Variants in SNTB1 observed in about 807,000 individuals in gnomAD.
SNTB1 encodes syntrophin beta 1, also known as beta-1-syntrophin.
A neutral mutation model predicts 48.9 loss-of-function variants in SNTB1; 36 were observed. The ratio of observed to expected loss-of-function variants is 0.74; its 90% CI spans 0.56 to 0.97. The LOEUF is 0.97. Ranked by LOEUF, SNTB1 falls within the 50% of genes least tolerant of loss-of-function variation. The probability of loss-of-function intolerance (pLI) is 0.00; values close to 1 mark genes in which losing one functional copy is unlikely to be tolerated. For missense variants in SNTB1, 786 were observed against 703.4 expected (o/e 1.12, Z -1.33); for synonymous variants, 299 against 294.6 (o/e 1.01, Z -0.15).
intron 3 of SNTB1, among the ~76,000 whole-genome samples, chr8:120,595,774 G>A (rs1816313079): frequency 6.6e-6 from 1 of 151,984 alleles, no homozygotes; most frequent in Non-Finnish European, 1.5e-5. Flanking sequence ...GTAAAGATGG[G>A]GTTTCTCCAT....
Position 120,811,715 on chromosome 8 carries a change from C to T in SNTB1, c.129G>A (p.Glu43=), listed in dbSNP as rs1486419686. Residue 43 remains glutamate, a synonymous_variant, in exon 1 of 7, where the codon GAG becomes GAA. Coordinates refer to ENST00000517992, the MANE Select transcript of SNTB1 (RefSeq NM_021021.4). ...CCTCGCTGCTCAGAACCAGGGCGTC[C>T]TCGCTCAAGTTCACCAGAACTTTGT... The part of the protein sequence containing the change: ...RWHKVLVNLS[E]DALVLSSEEG... 1.3e-6 allele frequency: 2 copies of T among 1,576,936 alleles called. No individual in the cohort carries two copies. Among genetic ancestry groups the T allele is most frequent in the Admixed American group, 1.9e-5 (1 of 53,960 alleles).
At chr8:120,726,427 T>G (rs776593318) in intron 1 of SNTB1, among the ~76,000 whole-genome samples, 10 of 152,186 alleles carry the variant, frequency 6.6e-5, no homozygotes, top group Non-Finnish European at 1.5e-4. Context: ...CTCAACCCTC[T>G]GTGGATTAAA....
chr8:120,582,950 G>A (rs1229960286), intron 3 of SNTB1, among the ~76,000 whole-genome samples: 1 of 151,856 alleles, frequency 6.6e-6, no homozygotes, highest in Non-Finnish European at 1.5e-5. Context: ...AAATGAAACA[G>A]GGGACATCAC....
rs976541505 is a variant in SNTB1 at position 120,764,999 on chromosome 8, G to A, written c.571+46274C>T. Among the ~76,000 whole-genome samples the A allele has an allele frequency of 1.6e-4, 25 of 152,258 alleles. 1 individual carries two copies. Among genetic ancestry groups the A allele is most frequent in the Admixed American group, 1.4e-3 (22 of 15,302 alleles). On this transcript the variant is annotated intron_variant, in intron 1 of 6. Transcript: ENST00000517992. The stretch of plus-strand genomic sequence containing the variant: ...CTAGCACTCCAGGAGGCCGAGGTGG[G>A]CGGATCACCTGAGGTCAGGAGTTTG...
chr8:120,811,555 C>A lies in SNTB1; in HGVS notation c.289G>T (p.Asp97Tyr). 1 of 1,590,332 alleles carries A rather than the reference C, an allele frequency of 6.3e-7. No individual in the cohort carries two copies. Among genetic ancestry groups the A allele is most frequent in the Non-Finnish European group, 8.6e-7 (1 of 1,168,538 alleles). ...SPAGVRTAFT[D>Y]LPEQVPESIS... ...GACTCGGGCACCTGCTCGGGCAGGT[C>A]GGTGAAAGCGGTGCGGACCCCGGCG... is the stretch of plus-strand genomic sequence containing the variant. Residue 97 changes from aspartate (D) to tyrosine (Y), a missense_variant, in exon 1 of 7, where the codon GAC (aspartate) becomes TAC (tyrosine). Physicochemically the swap from Asp to Tyr is radical, Grantham distance 160 (BLOSUM62 -3). Coordinates refer to ENST00000517992, the MANE Select transcript of SNTB1 (RefSeq NM_021021.4).
rs1228106918 is a variant in SNTB1, at chr8:120,601,136, A to G, written c.997-25911T>C. On this transcript the variant is annotated intron_variant, in intron 3 of 6. Coordinates refer to ENST00000517992, the MANE Select transcript of SNTB1 (RefSeq NM_021021.4). ...GCGCTGCTGGGAATCTGGATGGGTC[A>G]GACACAATGAACACTTTCACTCTGC... is the stretch of plus-strand genomic sequence containing the variant. Among the ~76,000 whole-genome samples, 7 of 152,164 alleles carry G rather than the reference A, an allele frequency of 4.6e-5. No individual in the cohort carries two copies. In the East Asian group the frequency reaches 1.2e-3, roughly 25 times the overall value.
intron 2 of SNTB1, among the ~76,000 whole-genome samples, chr8:120,678,465 G>A (rs376829296): frequency 7.2e-5 from 11 of 152,230 alleles, no homozygotes; most frequent in African/African-American, 2.6e-4. Flanking sequence ...CTGATACATG[G>A]CTCTTTTGCA....
At chr8:120,616,484 T>TG (rs1816717722) in intron 3 of SNTB1, among the ~76,000 whole-genome samples, 1 of 151,072 alleles carries the variant, frequency 6.6e-6, no homozygotes, top group Non-Finnish European at 1.5e-5. Flanking sequence ...AAAGTTTTTT[T>TG]TTTTTTTTTG....
At chr8:120,725,761 C>T (rs188855916) in intron 1 of SNTB1, among the ~76,000 whole-genome samples, 2 of 152,120 alleles carry the variant, frequency 1.3e-5, no homozygotes, top group East Asian at 1.9e-4. Flanking sequence ...AACATAGGGC[C>T]GAAAGGACTT....
chr8:120,550,561 A>G (rs928549460), intron 4 of SNTB1, among the ~76,000 whole-genome samples: 74 of 150,012 alleles, frequency 4.9e-4, no homozygotes, highest in Middle Eastern at 3.4e-3. Flanking sequence ...AAAAAAAAAA[A>G]AGAGAGATAT....
rs553292793 is a variant in SNTB1 at position 120,725,169 on chromosome 8, C to T, written c.572-31261G>A. ...AGGAGGTAAGTGGAAAGAGGATGGGCGAGGTGAGGGGTTGTTGGATAATGC... is the reference window on the plus strand; with the variant it reads ...AGGAGGTAAGTGGAAAGAGGATGGGTGAGGTGAGGGGTTGTTGGATAATGC... On this transcript the variant is annotated intron_variant, in intron 1 of 6. Coordinates refer to ENST00000517992, the MANE Select transcript of SNTB1 (RefSeq NM_021021.4). Among the ~76,000 whole-genome samples the T allele has an allele frequency of 6.5e-4, 99 of 152,138 alleles. 1 individual carries two copies. Among genetic ancestry groups the T allele is most frequent in the Middle Eastern group, 3.4e-3 (1 of 294 alleles).
intron 1 of SNTB1, among the ~76,000 whole-genome samples, chr8:120,744,055 A>G (rs1473907103): frequency 6.6e-6 from 1 of 150,894 alleles, no homozygotes; most frequent in Non-Finnish European, 1.5e-5. Context: ...GCTTGAGCCT[A>G]GGAGTTTGAG....
intron 1 of SNTB1, among the ~76,000 whole-genome samples, chr8:120,760,684 C>A (rs1819404050): frequency 6.6e-6 from 1 of 152,064 alleles, no homozygotes; most frequent in East Asian, 1.9e-4. Flanking sequence ...CCAGACTGTT[C>A]TGTTCTCCTT....
rs1815219170 is a variant in SNTB1 at position 120,537,414 on chromosome 8, T to C, written c.*1463A>G. 2 of 152,194 alleles carry C rather than the reference T, an allele frequency of 1.3e-5. No individual in the cohort carries two copies. The highest frequency in any genetic ancestry group is 2.9e-5 in the Non-Finnish European group (2 of 68,024). The allele number at this position is 152,194 out of a possible 1,614,324, so 9.4% of individuals were successfully genotyped here. ...TTGGAACTAGCGTCATATGATATAT[T>C]CTTTGGGGAAATGCTGATTTAAAAT... is the stretch of plus-strand genomic sequence containing the variant. On this transcript the variant is annotated 3_prime_UTR_variant, in exon 7 of 7. Transcript: ENST00000517992.
intron 2 of SNTB1, among the ~76,000 whole-genome samples, chr8:120,663,651 CA>C (rs61159197): frequency 6.6e-6 from 1 of 151,752 alleles, no homozygotes; most frequent in Non-Finnish European, 1.5e-5. Context: ...GAAAGGTGGG[CA>C]AAAAAGCAAA....
At chr8:120,607,418 AAGTATACTTT>A (rs1313665432) in intron 3 of SNTB1, among the ~76,000 whole-genome samples, 1 of 123,286 alleles carries the variant, frequency 8.1e-6, no homozygotes, top group African/African-American at 3.7e-5. Flanking sequence ...TTTTTTAAAA[AAGTATACTTT>A]AAGTTTTAGG....
At chr8:120,739,740 A>G (rs181541564) in intron 1 of SNTB1, among the ~76,000 whole-genome samples, 18 of 152,298 alleles carry the variant, frequency 1.2e-4, no homozygotes, top group African/African-American at 4.3e-4. Flanking sequence ...CATTCTCCTG[A>G]CATTTACCTC....
intron 3 of SNTB1, among the ~76,000 whole-genome samples, chr8:120,618,007 C>G (rs993637242): frequency 1.3e-5 from 2 of 152,142 alleles, no homozygotes; most frequent in African/African-American, 4.8e-5. Flanking sequence ...ATTTAGTGCT[C>G]TAGCCACCTA....
intron 3 of SNTB1, among the ~76,000 whole-genome samples, chr8:120,586,686 G>C (rs1210867589): frequency 1.3e-5 from 2 of 152,148 alleles, no homozygotes; most frequent in African/African-American, 2.4e-5. Context: ...ACAGGTTCTG[G>C]GGGTTAGGAT....
Sources: allele counts gnomAD v4.1 joint callset (sites outside exome capture counted in the v4.1 genomes callset), GRCh38; gene constraint gnomAD v4.1.1; transcripts MANE v1.5; gene names NCBI Gene and HGNC (gene_info 2026-07-23, HGNC 2026-07-21).